TXLNB: variants seen among roughly 807,000 people sequenced by gnomAD.
TXLNB encodes taxilin beta.
TXLNB carries 37 observed loss-of-function variants against 57.4 expected under a neutral mutation model. The observed-to-expected ratio is 0.64, with a 90% CI of 0.50 to 0.85. TXLNB has a LOEUF of 0.85. Among genes scored for constraint, TXLNB ranks in the 40% least tolerant of loss-of-function variants. The pLI is 0.00. For missense variants in TXLNB, 848 were observed against 825.6 expected (o/e 1.03, Z -0.33); for synonymous variants, 302 against 309.6 (o/e 0.98, Z 0.26).
At chr6:139,255,933 T>C (rs552331499) in intron 6 of TXLNB, among the ~76,000 whole-genome samples, 1 of 146,746 alleles carries the variant, frequency 6.8e-6, no homozygotes, top group South Asian at 2.1e-4. Context: ...AAAACCAAAA[T>C]TAGTCAGGGG....
intron 7 of TXLNB, among the ~76,000 whole-genome samples, chr6:139,250,351 TTCTTTC>T (rs1776170173): frequency 7.0e-6 from 1 of 142,204 alleles, no homozygotes; most frequent in African/African-American, 2.8e-5. Flanking sequence ...CTTTCTTTCT[TTCTTTC>T]TTTTTTTTTT....
chr6:139,289,811 T>C (rs570715640), intron 1 of TXLNB, among the ~76,000 whole-genome samples: 9 of 152,358 alleles, frequency 5.9e-5, no homozygotes, highest in Admixed American at 4.6e-4. Context: ...ATTAGTTTTC[T>C]TTCAAAGTTA....
chr6:139,236,960 C>G (rs1310263753), downstream of TXLNB, among the ~76,000 whole-genome samples: 1 of 152,064 alleles, frequency 6.6e-6, no homozygotes, highest in African/African-American at 2.4e-5. Context: ...AGGCAGCAAC[C>G]CTACAAACCC....
the TXLNB span, chr6:139,183,208 GACTA>G: frequency 1.6e-4 from 24 of 152,160 alleles, no homozygotes; most frequent in Non-Finnish European, 2.8e-4. Context: ...TATAGTTAAT[GACTA>G]ACTAGGAATT....
Position 139,255,611 on chromosome 6 carries a change from G to C in TXLNB, c.1030C>G (p.Leu344Val). 6.2e-7 allele frequency: 1 copy of C among 1,613,926 alleles called. No individual in the cohort carries two copies. The highest frequency in any genetic ancestry group is 8.5e-7 in the Non-Finnish European group (1 of 1,179,880). ...YLLNQAAEWK[L>V]QAKVLKEQET... ...TGCTCCTTCAGCACTTTCGCCTGAA[G>C]TTTCCACTCTGCTGCCTGGTTCAGC... is the stretch of plus-strand genomic sequence containing the variant. Residue 344 changes from leucine (L) to valine (V), a missense_variant, in exon 7 of 10, where the codon CTT (leucine) becomes GTT (valine). Physicochemically the swap from Leu to Val is conservative, Grantham distance 32. Transcript: ENST00000358430.
At chr6:139,213,233 C>T in the TXLNB span, among the ~76,000 whole-genome samples, 1 of 152,172 alleles carries the variant, frequency 6.6e-6, no homozygotes, top group Admixed American at 6.5e-5. Context: ...GGAAGTAAAA[C>T]ACTCCTCAGC....
At chr6:139,159,714 AT>A in the TXLNB span, among the ~76,000 whole-genome samples, 1 of 152,108 alleles carries the variant, frequency 6.6e-6, no homozygotes, top group Non-Finnish European at 1.5e-5. Context: ...TCATCAGAAG[AT>A]TTATTAAACA....
chr6:139,319,604 A>T, the TXLNB span, among the ~76,000 whole-genome samples: 1 of 152,196 alleles, frequency 6.6e-6, no homozygotes, highest in African/African-American at 2.4e-5. Flanking sequence ...TCTACAAAAA[A>T]AAATTCAAAA....
the TXLNB span, among the ~76,000 whole-genome samples, chr6:139,319,587 A>C: frequency 0.93 from 141,139 of 151,892 alleles, 65,797 homozygotes; most frequent in African/African-American, 0.98. Flanking sequence ...CATAGGGAGA[A>C]CCCATCTCTA....
At position 139,240,881 on chromosome 6, in the gene TXLNB, A is replaced by G. The variant is rs1775917778; in HGVS notation, c.*1645T>C. 6.6e-6 allele frequency: 1 copy of G among 152,218 alleles called. No homozygotes were observed. Among genetic ancestry groups the G allele is most frequent in the South Asian group, 2.1e-4 (1 of 4,832 alleles). The allele number at this position is 152,218 out of a possible 1,614,324, so 9.4% of individuals were successfully genotyped here. On this transcript the variant is annotated 3_prime_UTR_variant, in exon 10 of 10. Coordinates refer to ENST00000358430, the MANE Select transcript of TXLNB (RefSeq NM_153235.4). ...GCAACATTGAAGAATGGTTTCCTGGATGAGTACTAGAGAATTTTGTTTCTA... is the reference window on the plus strand; with the variant it reads ...GCAACATTGAAGAATGGTTTCCTGGGTGAGTACTAGAGAATTTTGTTTCTA...
chr6:139,260,465 G>T (rs1237990641), intron 5 of TXLNB, 28 bp from the exon 6 acceptor site: 3 of 1,606,372 alleles, frequency 1.9e-6, no homozygotes, highest in Non-Finnish European at 2.5e-6. Context: ...TACATAGAAA[G>T]CTTGGTTTAT....
chr6:139,273,268 T>C (rs993560745), intron 3 of TXLNB, among the ~76,000 whole-genome samples: 5 of 152,074 alleles, frequency 3.3e-5, no homozygotes, highest in African/African-American at 1.2e-4. Flanking sequence ...ACTGCCCAAT[T>C]GCGACACCCC....
chr6:139,247,257 T>G (rs1417591087), intron 8 of TXLNB, among the ~76,000 whole-genome samples: 5 of 152,092 alleles, frequency 3.3e-5, no homozygotes. Flanking sequence ...TTCTCCTGCC[T>G]CACCCTCCTG....
chr6:139,259,173 C>T (rs1776419203), intron 6 of TXLNB, among the ~76,000 whole-genome samples: 1 of 152,178 alleles, frequency 6.6e-6, no homozygotes, highest in Non-Finnish European at 1.5e-5. Context: ...ATAGTAGCCT[C>T]CTGTCTTCTT....
chr6:139,210,512 T>C, the TXLNB span, among the ~76,000 whole-genome samples: 3 of 152,182 alleles, frequency 2.0e-5, no homozygotes, highest in African/African-American at 4.8e-5. Context: ...GGAGCCAAGA[T>C]GGCCGAATAG....
the TXLNB span, chr6:139,170,008 G>A: frequency 6.6e-6 from 1 of 152,180 alleles, no homozygotes; most frequent in African/African-American, 2.4e-5. Context: ...CTATCCCTCA[G>A]TCTACTTTCT....
Position 139,291,935 on chromosome 6 carries a change from C to T in TXLNB, c.-29G>A, listed in dbSNP as rs1391904739. The T allele has an allele frequency of 6.6e-6, 1 of 152,518 alleles. No homozygotes were observed. The highest frequency in any genetic ancestry group is 1.5e-5 in the Non-Finnish European group (1 of 68,266). 9.4% of individuals were successfully genotyped at this position (152,518 alleles called of 1,614,324 possible). On this transcript the variant is annotated 5_prime_UTR_variant, in exon 1 of 10. Coordinates refer to ENST00000358430, the MANE Select transcript of TXLNB (RefSeq NM_153235.4). The stretch of plus-strand genomic sequence containing the variant: ...GTCATACTTACCAGAAGGCAAGAAG[C>T]TAAGCAAGAAGAGAGAGGAGAGGAA...
intron 5 of TXLNB, among the ~76,000 whole-genome samples, chr6:139,260,701 A>T (rs1245192876): frequency 1.3e-5 from 2 of 152,188 alleles, no homozygotes; most frequent in Non-Finnish European, 2.9e-5. Flanking sequence ...AAAGATCCAT[A>T]CAATATTTTT....
rs759634343 is a variant in TXLNB, at chr6:139,242,628, A to G, written c.1953T>C (p.Ser651=). The G allele has an allele frequency of 2.4e-5, 39 of 1,602,846 alleles. No homozygotes were observed. Among genetic ancestry groups the G allele is most frequent in the African/African-American group, 5.4e-5 (4 of 74,242 alleles). ...CTGCTGCTGCTCGTGGGGGCTGCCT[A>G]CTGGGCTCGCATGCAGGCACCATGG... The part of the protein sequence containing the change: ...VAAMVPACEP[S]RQPPRAAAEE... The change falls in exon 10 of 10, where the codon AGT becomes AGC. Residue 651 remains serine (S), a synonymous_variant. Transcript: ENST00000358430.
Sources: allele counts gnomAD v4.1 joint callset (sites outside exome capture counted in the v4.1 genomes callset), GRCh38; gene constraint gnomAD v4.1.1; transcripts MANE v1.5; gene names NCBI Gene and HGNC (gene_info 2026-07-23, HGNC 2026-07-21).